FXR1: variants seen among roughly 807,000 people sequenced by gnomAD.
FXR1 encodes the protein RNA-binding protein FXR1.
FXR1 carries 15 observed loss-of-function variants against 84.0 expected under a neutral mutation model. That is an observed-to-expected ratio of 0.18 (90% CI 0.12 to 0.27). The LOEUF (loss-of-function observed/expected upper bound fraction) is 0.27. Among genes scored for constraint, FXR1 ranks in the 10% least tolerant of loss-of-function variants. The pLI is 1.00. For missense variants in FXR1, 480 were observed against 774.4 expected (o/e 0.62, Z 4.51); for synonymous variants, 245 against 250.7 (o/e 0.98, Z 0.21).
rs1714342553 is a variant in FXR1, at chr3:180,977,443, AGAAGGGAT to A, written c.*1154_*1161del. On this transcript the variant is annotated 3_prime_UTR_variant, in exon 17 of 17. Transcript: ENST00000357559. ...GCAACTTTGGAAGACAATGGGGGATAGAAGGGATGACAAGCAATTTTTAAATAATAGGC... is the reference window on the plus strand; with the variant it reads ...GCAACTTTGGAAGACAATGGGGGATAGACAAGCAATTTTTAAATAATAGGC... The A allele has an allele frequency of 6.6e-6, 1 of 152,146 alleles. No homozygotes were observed. The highest frequency in any genetic ancestry group is 1.9e-4 in the East Asian group (1 of 5,198). The allele number at this position is 152,146 out of a possible 1,614,324, so 9.4% of individuals were successfully genotyped here.
At chr3:180,922,903 A>G (rs936983380) in intron 1 of FXR1, among the ~76,000 whole-genome samples, 1 of 152,062 alleles carries the variant, frequency 6.6e-6, no homozygotes, top group Non-Finnish European at 1.5e-5. Context: ...TGTGAGCCAC[A>G]CTGTGCCCTG....
intron 15 of FXR1, chr3:180,970,809 CTG>C (rs911492217): frequency 1.4e-4 from 29 of 202,098 alleles, no homozygotes; most frequent in South Asian, 2.8e-4. Flanking sequence ...GAGAGGAAGA[CTG>C]TGTCCCTGAA....
chr3:180,953,995 A>G, intron 9 of FXR1, 155 bp downstream of exon 9: 1 of 555,286 alleles, frequency 1.8e-6, no homozygotes, highest in Non-Finnish European at 3.1e-6. Flanking sequence ...TTTTGGTGAT[A>G]ACATTTTGTG....
At chr3:180,939,322 G>T (rs1720875060) in intron 3 of FXR1, among the ~76,000 whole-genome samples, 1 of 152,172 alleles carries the variant, frequency 6.6e-6, no homozygotes, top group Non-Finnish European at 1.5e-5. Flanking sequence ...GTTATGAAAT[G>T]TAATTTTTTG....
intron 9 of FXR1, among the ~76,000 whole-genome samples, chr3:180,954,610 T>G (rs1404387815): frequency 1.3e-5 from 2 of 152,302 alleles, no homozygotes; most frequent in South Asian, 2.1e-4. Context: ...TACTAAAAAT[T>G]GACTTACCTA....
intron 3 of FXR1, among the ~76,000 whole-genome samples, chr3:180,946,826 T>C (rs1202935451): frequency 6.6e-6 from 1 of 152,210 alleles, no homozygotes; most frequent in African/African-American, 2.4e-5. Context: ...TAGGTTTCCC[T>C]GATGATCTCT....
chr3:180,919,353 C>T (rs1180070566), intron 1 of FXR1, among the ~76,000 whole-genome samples: 3 of 145,842 alleles, frequency 2.1e-5, no homozygotes, highest in Non-Finnish European at 3.0e-5. Flanking sequence ...GGCACTATCT[C>T]GGGTCATTGC....
intron 13 of FXR1, 64 bp downstream of exon 13, chr3:180,963,154 C>T (rs1712356069): frequency 5.8e-6 from 4 of 686,898 alleles, no homozygotes; most frequent in Non-Finnish European, 1.0e-5. Context: ...AGTTTAGGTG[C>T]TCTAACACAT....
At position 180,977,232 on chromosome 3, in the gene FXR1, GTATACT is replaced by G. The variant is rs1357343760; in HGVS notation, c.*942_*947del. Reference sequence around the variant, plus strand: ...TGGAGCTATTAATAGGCTTAGGATAGTATACTTTGCTTTTTAAAAAGCATTTATACT... The same window carrying G: ...TGGAGCTATTAATAGGCTTAGGATAGTTGCTTTTTAAAAAGCATTTATACT... On this transcript the variant is annotated 3_prime_UTR_variant, in exon 17 of 17. Coordinates refer to ENST00000357559, the MANE Select transcript of FXR1 (RefSeq NM_005087.4). The G allele has an allele frequency of 6.6e-6, 1 of 152,348 alleles. No homozygotes were observed. Among genetic ancestry groups the G allele is most frequent in the Non-Finnish European group, 1.5e-5 (1 of 67,940 alleles). 9.4% of individuals were successfully genotyped at this position (152,348 alleles called of 1,614,324 possible).
In FXR1 at chr3:180,981,823, C is replaced by G. The variant is rs1293137654; in HGVS notation, c.*5531C>G. On this transcript the variant is annotated 3_prime_UTR_variant, in exon 17 of 17. Coordinates refer to ENST00000357559, the MANE Select transcript of FXR1 (RefSeq NM_005087.4). ...GTATATTTCCCTTTTACAGAGAAAG[C>G]TGAAGCCTCGAGGCTCAGATTTACC... The G allele has an allele frequency of 1.3e-5, 2 of 152,016 alleles. No homozygotes were observed. The highest frequency in any genetic ancestry group is 4.8e-5 in the African/African-American group (2 of 41,408). The allele number at this position is 152,016 out of a possible 1,614,324, so 9.4% of individuals were successfully genotyped here.
At chr3:180,949,429 C>A in intron 7 of FXR1, 86 bp downstream of exon 7, 1 of 777,090 alleles carries the variant, frequency 1.3e-6, no homozygotes, top group East Asian at 2.4e-5. Context: ...CTCTGTTGCC[C>A]AGGCTAGAGT....
In FXR1 at chr3:180,969,235, G is replaced by A. The variant is rs558189695; in HGVS notation, c.1403-923G>A. Among the ~76,000 whole-genome samples the A allele has an allele frequency of 3.8e-4, 58 of 152,232 alleles. No homozygotes were observed. The East Asian group carries it at 9.3e-3, about 24-fold the overall frequency. ...TAGTTTTTATATTTTAGTACACTTT[G>A]TACAGTTACCAAGGTGTTTAAAATT... On this transcript the variant is annotated intron_variant, in intron 14 of 16. Transcript: ENST00000357559.
At chr3:180,964,261 A>T (rs1252433477) in intron 13 of FXR1, among the ~76,000 whole-genome samples, 1 of 152,226 alleles carries the variant, frequency 6.6e-6, no homozygotes, top group Non-Finnish European at 1.5e-5. Flanking sequence ...TGCAAAAGAC[A>T]GTTAACCAGT....
chr3:180,924,135 T>A (rs575912464), intron 1 of FXR1, among the ~76,000 whole-genome samples: 1 of 152,248 alleles, frequency 6.6e-6, no homozygotes, highest in East Asian at 1.9e-4. Context: ...ATTTTTGCAT[T>A]TTTAGTAGAG....
At position 180,957,820 on chromosome 3, in the gene FXR1, A is replaced by C. The variant is rs1279702685; in HGVS notation, c.882A>C (p.Gly294=). 6.9e-7 allele frequency: 1 copy of C among 1,455,710 alleles called. No homozygotes were observed. The highest frequency in any genetic ancestry group is 1.4e-5 in the African/African-American group (1 of 71,108). 90.2% of individuals were successfully genotyped at this position (1,455,710 alleles called of 1,614,324 possible). The part of the protein sequence containing the change: ...DFIQVPRNLV[G]KVIGKNGKVI... The stretch of plus-strand genomic sequence containing the variant: ...TGTATTTGTTTTCTCTTACTAAAGG[A>C]AAAGTAATTGGAAAAAATGGCAAAG... The change falls in exon 10 of 17, where the codon GGA becomes GGC. Residue 294 remains glycine (G), a splice_region_variant and synonymous_variant. Transcript: ENST00000357559.
intron 2 of FXR1, among the ~76,000 whole-genome samples, chr3:180,934,292 T>G: frequency 6.6e-6 from 1 of 152,206 alleles, no homozygotes; most frequent in East Asian, 1.9e-4. Flanking sequence ...AAAGAAAGCA[T>G]CCCCAAATCT....
chr3:180,977,060 T>C lies in FXR1; in HGVS notation c.*768T>C, dbSNP rs1054408087. On this transcript the variant is annotated 3_prime_UTR_variant, in exon 17 of 17. Coordinates refer to ENST00000357559, the MANE Select transcript of FXR1 (RefSeq NM_005087.4). ...AACTACATGTTAGTCTTCAGTAGAG[T>C]ATCTTTTTTTTTTCCTTTTTTTTTT... is the stretch of plus-strand genomic sequence containing the variant. 17 of 151,780 alleles carry C rather than the reference T, an allele frequency of 1.1e-4. No individual in the cohort carries two copies. The highest frequency in any genetic ancestry group is 3.4e-4 in the African/African-American group (14 of 41,036). The allele number at this position is 151,780 out of a possible 1,614,324, so 9.4% of individuals were successfully genotyped here. A position where few individuals can be genotyped will look rare whatever the true frequency, so the allele number is the denominator to read the frequency against.
At chr3:180,955,153 C>T (rs538492400) in intron 9 of FXR1, among the ~76,000 whole-genome samples, 1 of 151,962 alleles carries the variant, frequency 6.6e-6, no homozygotes, top group South Asian at 2.1e-4. Flanking sequence ...TGCCACCACG[C>T]CTGGCTAATT....
chr3:180,959,095 C>A (rs956481479), intron 10 of FXR1, among the ~76,000 whole-genome samples: 3 of 151,818 alleles, frequency 2.0e-5, no homozygotes, highest in Non-Finnish European at 4.4e-5. Context: ...CGTGAGCCAC[C>A]GTGCCCGGCC....
Sources: allele counts gnomAD v4.1 joint callset (sites outside exome capture counted in the v4.1 genomes callset), GRCh38; gene constraint gnomAD v4.1.1; transcripts MANE v1.5; gene names NCBI Gene and HGNC (gene_info 2026-07-23, HGNC 2026-07-21).